Variants in STPG2 observed in about 807,000 individuals in gnomAD.
The protein encoded by STPG2 is sperm-tail PG-rich repeat-containing protein 2.
A neutral mutation model predicts 54.2 loss-of-function variants in STPG2; 56 were observed. The ratio of observed to expected loss-of-function variants is 1.03; its 90% CI spans 0.83 to 1.29. The LOEUF (loss-of-function observed/expected upper bound fraction) is 1.29, where lower values mean the gene tolerates loss of function less well. Ranked by LOEUF, STPG2 falls within the 50% of genes most tolerant of loss-of-function variation. STPG2 has a pLI of 0.00. For missense variants in STPG2, 596 were observed against 544.9 expected (o/e 1.09, Z -0.93); for synonymous variants, 200 against 181.8 (o/e 1.10, Z -0.81).
intron 8 of STPG2, among the ~76,000 whole-genome samples, chr4:97,904,791 T>C (rs1430033473): frequency 6.6e-6 from 1 of 152,042 alleles, no homozygotes; most frequent in Non-Finnish European, 1.5e-5. Flanking sequence ...AACCAAGGCT[T>C]GAGAACTACG....
chr4:98,026,101 A>G (rs536561501), intron 5 of STPG2: 2 of 1,428,870 alleles, frequency 1.4e-6, no homozygotes, highest in African/African-American at 1.4e-5. Context: ...TGTATAGGAA[A>G]GCTCATGCTG....
At position 97,534,161 on chromosome 4, in the gene STPG2, T is replaced by C. The variant is rs1402005484; in HGVS notation, c.462+178538A>G. ...ATTTGCATGTTTCTGCAATTAAATA[T>C]ATTGAGCATCATTTCATATTTCATA... is the stretch of plus-strand genomic sequence containing the variant. On this transcript the variant is annotated intron_variant, in intron 4 of 4. Coordinates refer to the STPG2 transcript ENST00000522676. Among the ~76,000 whole-genome samples the C allele has an allele frequency of 2.0e-5, 3 of 152,146 alleles. No homozygotes were observed. The South Asian group carries it at 6.2e-4, about 31-fold the overall frequency.
chr4:98,068,975 A>G (rs1367907881), intron 5 of STPG2, among the ~76,000 whole-genome samples: 4 of 152,118 alleles, frequency 2.6e-5, no homozygotes, highest in African/African-American at 9.7e-5. Flanking sequence ...CGTGCAGTCC[A>G]TTGTTGACCA....
intron 7 of STPG2, among the ~76,000 whole-genome samples, chr4:97,969,001 G>A (rs948801358): frequency 3.9e-5 from 6 of 152,152 alleles, no homozygotes; most frequent in African/African-American, 1.2e-4. Flanking sequence ...TGCAACCCTT[G>A]TGGAGAGCCT....
intron 10 of STPG2, among the ~76,000 whole-genome samples, chr4:97,678,435 C>A (rs1321136945): frequency 6.6e-6 from 1 of 151,852 alleles, no homozygotes; most frequent in East Asian, 1.9e-4. Context: ...TAGATATATT[C>A]AAATGTCTTC....
At chr4:98,032,356 T>G (rs1438350190) in intron 5 of STPG2, among the ~76,000 whole-genome samples, 2 of 152,126 alleles carry the variant, frequency 1.3e-5, no homozygotes, top group Non-Finnish European at 2.9e-5. Context: ...AACTCTGGTA[T>G]ATATAAACTT....
intron 10 of STPG2, among the ~76,000 whole-genome samples, chr4:97,664,238 A>T (rs1165241074): frequency 6.6e-6 from 1 of 152,216 alleles, no homozygotes. Context: ...AGAAACCTAC[A>T]CATATAGAGC....
chr4:97,565,898 T>A (rs572003257), intron 10 of STPG2, among the ~76,000 whole-genome samples: 94 of 152,314 alleles, frequency 6.2e-4, no homozygotes, highest in African/African-American at 2.2e-3. Context: ...GGGACCCACT[T>A]GAGGAGGCAG....
At chr4:97,946,625 C>A (rs533209278) in intron 7 of STPG2, among the ~76,000 whole-genome samples, 2 of 152,228 alleles carry the variant, frequency 1.3e-5, no homozygotes, top group Admixed American at 6.5e-5. Flanking sequence ...ATTCAGTTTT[C>A]CCAGGACCAT....
intron 4 of STPG2, among the ~76,000 whole-genome samples, chr4:97,468,495 T>C (rs1729842476): frequency 6.6e-6 from 1 of 152,024 alleles, no homozygotes; most frequent in African/African-American, 2.4e-5. Flanking sequence ...ATCAGTCATC[T>C]CCTTTTGTGC....
chr4:97,971,195 A>G (rs1323170815), intron 7 of STPG2, among the ~76,000 whole-genome samples: 1 of 152,208 alleles, frequency 6.6e-6, no homozygotes, highest in Non-Finnish European at 1.5e-5. Context: ...ATGCTTTTAC[A>G]CTGTTGGTGG....
chr4:97,903,257 TATG>T (rs1731249360), intron 8 of STPG2, among the ~76,000 whole-genome samples: 1 of 152,152 alleles, frequency 6.6e-6, no homozygotes. Flanking sequence ...AGATAATGGA[TATG>T]ATAATATGAT....
At chr4:97,736,270 A>G (rs1027323272) in intron 9 of STPG2, among the ~76,000 whole-genome samples, 1 of 152,234 alleles carries the variant, frequency 6.6e-6, no homozygotes, top group Admixed American at 6.5e-5. Flanking sequence ...TACAGCTACC[A>G]GTGTGAGCGA....
chr4:97,588,439 T>A (rs1037686935), intron 10 of STPG2, among the ~76,000 whole-genome samples: 2 of 152,004 alleles, frequency 1.3e-5, no homozygotes, highest in African/African-American at 4.8e-5. Flanking sequence ...GAATATGAGA[T>A]ATGAACAGGT....
intron 6 of STPG2, among the ~76,000 whole-genome samples, chr4:97,980,026 A>T (rs1002790639): frequency 7.9e-5 from 12 of 151,830 alleles, no homozygotes; most frequent in Non-Finnish European, 1.5e-4. Flanking sequence ...CCAGGCGAAA[A>T]TTTTTTTAAA....
intron 9 of STPG2, among the ~76,000 whole-genome samples, chr4:97,747,881 C>T (rs759410812): frequency 5.3e-5 from 8 of 151,238 alleles, no homozygotes; most frequent in Non-Finnish European, 1.2e-4. Flanking sequence ...AGTGGATGAC[C>T]TTTGATGTGT....
intron 4 of STPG2, among the ~76,000 whole-genome samples, chr4:97,548,551 CTT>C (rs1731895931): frequency 1.3e-5 from 2 of 151,982 alleles, no homozygotes; most frequent in Admixed American, 6.5e-5. Context: ...AAATAATAAA[CTT>C]AGTATGAAAT....
chr4:97,977,052 G>C (rs891402460), intron 6 of STPG2, among the ~76,000 whole-genome samples: 2 of 152,116 alleles, frequency 1.3e-5, no homozygotes, highest in Admixed American at 6.6e-5. Flanking sequence ...TGTAACTTTT[G>C]TTCCTCTGAT....
intron 5 of STPG2, among the ~76,000 whole-genome samples, chr4:98,081,205 C>T (rs1381553214): frequency 3.3e-5 from 5 of 152,184 alleles, no homozygotes; most frequent in Non-Finnish European, 7.4e-5. Context: ...AGATTAAAAG[C>T]AAATACTTCA....
Sources: gnomAD v4.1 joint callset for allele counts (sites outside exome capture counted in the v4.1 genomes callset) on GRCh38, gnomAD v4.1.1 for gene constraint, MANE v1.5 for transcripts, NCBI Gene and HGNC (gene_info 2026-07-23, HGNC 2026-07-21) for gene names.